Variants in RGS7 observed in about 807,000 individuals in gnomAD.
RGS7 encodes regulator of G protein signaling 7.
RGS7 carries 27 observed loss-of-function variants against 81.1 expected under a neutral mutation model. That is an observed-to-expected ratio of 0.33 (90% CI 0.25 to 0.46). The LOEUF is 0.46. Ranked by LOEUF, RGS7 falls within the 20% of genes least tolerant of loss-of-function variation. RGS7 has a pLI of 1.00. For synonymous variants in RGS7, 208 were observed against 207.7 expected (o/e 1.00, Z -0.01); for missense variants, 396 against 607.4 (o/e 0.65, Z 3.66).
At chr1:241,015,899 T>A (rs1019840549) in intron 3 of RGS7, among the ~76,000 whole-genome samples, 1 of 152,226 alleles carries the variant, frequency 6.6e-6, no homozygotes, top group Admixed American at 6.5e-5. Flanking sequence ...AATTGAATAT[T>A]TACCAAGTTC....
intron 3 of RGS7, among the ~76,000 whole-genome samples, chr1:241,043,971 A>T (rs1054222279): frequency 6.6e-6 from 1 of 152,120 alleles, no homozygotes; most frequent in Non-Finnish European, 1.5e-5. Flanking sequence ...TGCTTGTAGA[A>T]ATATTTCTAA....
At chr1:241,217,825 G>T (rs1457759377) in intron 2 of RGS7, among the ~76,000 whole-genome samples, 2 of 152,210 alleles carry the variant, frequency 1.3e-5, no homozygotes, top group African/African-American at 4.8e-5. Flanking sequence ...GCACAAGAGG[G>T]TAGCACTGAA....
chr1:240,778,997 A>G (rs4660006), intron 18 of RGS7, among the ~76,000 whole-genome samples: 110,737 of 151,884 alleles, frequency 0.73, 40,652 homozygotes, highest in Non-Finnish European at 0.78. Flanking sequence ...CAAAGCTCAC[A>G]TGTTGAAAGC....
chr1:241,319,448 A>C (rs1387613088), intron 2 of RGS7, among the ~76,000 whole-genome samples: 1 of 152,166 alleles, frequency 6.6e-6, no homozygotes, highest in Non-Finnish European at 1.5e-5. Flanking sequence ...CTTTAACTGG[A>C]GGGATTAAAG....
chr1:241,311,733 G>T (rs2080546158), intron 2 of RGS7, among the ~76,000 whole-genome samples: 1 of 152,162 alleles, frequency 6.6e-6, no homozygotes, highest in South Asian at 2.1e-4. Context: ...CATGAGAATT[G>T]CTCCCTAAGA....
chr1:240,883,544 C>A (rs987617478), intron 6 of RGS7, among the ~76,000 whole-genome samples: 2 of 152,116 alleles, frequency 1.3e-5, no homozygotes, highest in African/African-American at 4.8e-5. Flanking sequence ...AAATTGCCTA[C>A]TTACTAAAAT....
rs1012762314 is a variant in RGS7 at position 240,817,591 on chromosome 1, G to A, written c.685-1176C>T. On this transcript the variant is annotated intron_variant, in intron 10 of 18. Transcript: ENST00000440928. ...ATGTGGTTTTGCCCTTGTGTCTCCC[G>A]CCCTCCGTCCTTTTTATTTTTATTT... is the stretch of plus-strand genomic sequence containing the variant. Among the ~76,000 whole-genome samples, 8 of 151,842 alleles carry A rather than the reference G, an allele frequency of 5.3e-5. 1 individual carries two copies. The highest frequency in any genetic ancestry group is 1.7e-4 in the African/African-American group (7 of 41,332).
intron 3 of RGS7, among the ~76,000 whole-genome samples, chr1:241,027,480 C>A (rs1024360970): frequency 2.0e-5 from 3 of 152,056 alleles, no homozygotes; most frequent in Non-Finnish European, 4.4e-5. Flanking sequence ...TGGAGAATGG[C>A]TTGAGGAAGA....
In RGS7 at chr1:241,199,176, CTT is replaced by C. The variant is rs1348475732; in HGVS notation, c.79-100416_79-100415del. On this transcript the variant is annotated intron_variant, in intron 2 of 18. Transcript: ENST00000440928. ...GCAAACAAAGAATAAAAAAAAAAGACTTTATTGGCCGGTCTCACGCCTGTAAT... is the reference window on the plus strand; with the variant it reads ...GCAAACAAAGAATAAAAAAAAAAGACTATTGGCCGGTCTCACGCCTGTAAT... Among the ~76,000 whole-genome samples, 236 of 152,008 alleles carry C rather than the reference CTT, an allele frequency of 1.6e-3. 2 individuals carry two copies. The highest frequency in any genetic ancestry group is 5.4e-3 in the African/African-American group (223 of 41,468).
intron 2 of RGS7, among the ~76,000 whole-genome samples, chr1:241,255,417 C>G (rs900640732): frequency 6.6e-6 from 1 of 152,136 alleles, no homozygotes; most frequent in Non-Finnish European, 1.5e-5. Flanking sequence ...GTTGTTTAAC[C>G]AGGACCAAAT....
At chr1:241,020,707 C>T (rs1288949538) in intron 3 of RGS7, among the ~76,000 whole-genome samples, 1 of 150,814 alleles carries the variant, frequency 6.6e-6, no homozygotes, top group African/African-American at 2.4e-5. Context: ...ATCAGTTTGG[C>T]CAAACAATTA....
Position 241,098,751 on chromosome 1 carries a change from G to A in RGS7, c.90C>T (p.Val30=). ...TTTTTTCATCTTGCATCCGTGCTAT[G>A]ACGTCTTCCATCTAAACAATAATAA... ...NMLVYRKMED[V]IARMQDEKNG... is the part of the protein sequence containing the mutation. Residue 30 remains valine (V), a synonymous_variant, in exon 3 of 19, where the codon GTC becomes GTT. Coordinates refer to ENST00000440928, the MANE Select transcript of RGS7 (RefSeq NM_001364886.1). 6.2e-7 allele frequency: 1 copy of A among 1,610,122 alleles called. No homozygotes were observed. The highest frequency in any genetic ancestry group is 8.5e-7 in the Non-Finnish European group (1 of 1,177,154).
At chr1:240,801,620 C>T (rs923150656) in intron 16 of RGS7, 112 bp from the exon 17 acceptor site, 3 of 785,694 alleles carry the variant, frequency 3.8e-6, no homozygotes, top group African/African-American at 1.7e-5. Context: ...TGATGCAACA[C>T]CAAATCCATG....
intron 17 of RGS7, among the ~76,000 whole-genome samples, 179 bp from the exon 18 acceptor site, chr1:240,800,900 G>A (rs1337558772): frequency 6.6e-6 from 1 of 152,236 alleles, no homozygotes; most frequent in East Asian, 1.9e-4. Context: ...GGTGATTTAT[G>A]CAACAGTTTT....
chr1:241,106,018 T>C (rs1025724695), intron 2 of RGS7, among the ~76,000 whole-genome samples: 1 of 152,162 alleles, frequency 6.6e-6, no homozygotes, highest in Admixed American at 6.5e-5. Context: ...TCTTGGGCAG[T>C]TAGGTGGTGG....
intron 2 of RGS7, among the ~76,000 whole-genome samples, chr1:241,172,294 C>A (rs1467455943): frequency 6.6e-6 from 1 of 152,064 alleles, no homozygotes; most frequent in Non-Finnish European, 1.5e-5. Flanking sequence ...ACTGATTATG[C>A]TTTTGGATGA....
chr1:240,885,737 G>T (rs1667237720), intron 6 of RGS7, among the ~76,000 whole-genome samples: 1 of 152,124 alleles, frequency 6.6e-6, no homozygotes, highest in Non-Finnish European at 1.5e-5. Context: ...CAGACACTGG[G>T]ATCTACTTGA....
intron 17 of RGS7, among the ~76,000 whole-genome samples, chr1:240,800,991 C>T (rs1436262525): frequency 6.6e-6 from 1 of 152,058 alleles, no homozygotes; most frequent in Non-Finnish European, 1.5e-5. Context: ...CCAACCACCA[C>T]TCATATAAAA....
At chr1:241,249,054 C>T (rs1310834139) in intron 2 of RGS7, among the ~76,000 whole-genome samples, 1 of 152,126 alleles carries the variant, frequency 6.6e-6, no homozygotes, top group Non-Finnish European at 1.5e-5. Flanking sequence ...GATTTTCTCC[C>T]AATCTATATC....
Sources: allele counts gnomAD v4.1 joint callset (sites outside exome capture counted in the v4.1 genomes callset), GRCh38; gene constraint gnomAD v4.1.1; transcripts MANE v1.5; gene names NCBI Gene and HGNC (gene_info 2026-07-23, HGNC 2026-07-21).